Variants in SYNE1 observed in about 807,000 individuals in gnomAD.
SYNE1 encodes nesprin-1.
SYNE1 carries 616 observed loss-of-function variants against 1,111.0 expected under a neutral mutation model. The ratio of observed to expected loss-of-function variants is 0.55; its 90% CI spans 0.52 to 0.59. The LOEUF is 0.59. Among genes scored for constraint, SYNE1 ranks in the 20% least tolerant of loss-of-function variants. The probability of loss-of-function intolerance (pLI) is 0.00; values close to 1 mark genes in which losing one functional copy is unlikely to be tolerated. For missense variants in SYNE1, 10,006 were observed against 10,417.0 expected (o/e 0.96, Z 1.72); for synonymous variants, 3,855 against 3,825.8 (o/e 1.01, Z -0.28).
At chr6:152,399,555 C>G in intron 48 of SYNE1, 61 bp downstream of exon 48, 1 of 1,590,704 alleles carries the variant, frequency 6.3e-7, no homozygotes, top group Non-Finnish European at 8.6e-7. Context: ...TTCTAGGCAG[C>G]ATTTGGTTTG....
At chr6:152,199,209 T>A (rs2074875832) in intron 127 of SYNE1, among the ~76,000 whole-genome samples, 1 of 152,202 alleles carries the variant, frequency 6.6e-6, no homozygotes, top group Admixed American at 6.5e-5. Flanking sequence ...TGAAGTTTAA[T>A]CACTGTATTG....
At chr6:152,633,032 T>C (rs1224868460) in intron 2 of SYNE1, among the ~76,000 whole-genome samples, 1 of 152,188 alleles carries the variant, frequency 6.6e-6, no homozygotes, top group Non-Finnish European at 1.5e-5. Context: ...ACAGACTGTT[T>C]ACCTAGCAGT....
At chr6:152,341,845 G>A (rs1296453163) in intron 74 of SYNE1, among the ~76,000 whole-genome samples, 5 of 152,156 alleles carry the variant, frequency 3.3e-5, no homozygotes, top group Admixed American at 3.3e-4. Flanking sequence ...CATATTGAAG[G>A]ACATGACATT....
Position 152,318,149 on chromosome 6 carries a change from C to T in SYNE1, c.16504G>A (p.Gly5502Arg). 6.2e-7 allele frequency: 1 copy of T among 1,614,176 alleles called. No individual in the cohort carries two copies. Among genetic ancestry groups the T allele is most frequent in the East Asian group, 2.2e-5 (1 of 44,882 alleles). Reference sequence around the variant, plus strand: ...TGCTGGTGAAGTTCAGTCAGTTTTCCTATCTTCTTGGCCAGTGGCTTACCC... The same window carrying T: ...TGCTGGTGAAGTTCAGTCAGTTTTCTTATCTTCTTGGCCAGTGGCTTACCC... ...QLGKPLAKKI[G>R]KLTELHQQTI... The change falls in exon 86 of 146, where the codon GGA (glycine) becomes AGA (arginine). Residue 5502 changes from glycine to arginine, a missense_variant. Coordinates refer to ENST00000367255, the MANE Select transcript of SYNE1 (RefSeq NM_182961.4).
intron 117 of SYNE1, among the ~76,000 whole-genome samples, chr6:152,221,833 T>TG (rs1024358332): frequency 7.9e-5 from 12 of 152,200 alleles, no homozygotes; most frequent in African/African-American, 2.4e-4. Flanking sequence ...AGGGTGCCCT[T>TG]GTCCATTGTC....
Position 152,499,367 on chromosome 6 carries a change from T to TA in SYNE1, c.889-576dup, listed in dbSNP as rs1359271485. Among the ~76,000 whole-genome samples the TA allele has an allele frequency of 2.0e-5, 3 of 152,108 alleles. No individual in the cohort carries two copies. The South Asian group carries it at 6.2e-4, about 32-fold the overall frequency. On this transcript the variant is annotated intron_variant, in intron 10 of 145. Transcript: ENST00000367255. The stretch of plus-strand genomic sequence containing the variant: ...GTTCATCAGTTTTATTGGATGAGAT[T>TA]AAAAAAACCCATGGTGATGTCGATT...
intron 3 of SYNE1, among the ~76,000 whole-genome samples, chr6:152,564,137 G>A (rs1205076896): frequency 6.6e-6 from 1 of 152,164 alleles, no homozygotes; most frequent in African/African-American, 2.4e-5. Flanking sequence ...GTTTACAGAT[G>A]TGTGAGACTC....
chr6:152,385,523 G>T, intron 55 of SYNE1, 151 bp downstream of exon 55: 1 of 809,272 alleles, frequency 1.2e-6, no homozygotes, highest in Non-Finnish European at 2.0e-6. Flanking sequence ...TTCTTCTCAT[G>T]ACTCTTGTTT....
rs1437157869 is a variant in SYNE1 at position 152,368,997 on chromosome 6, T to C, written c.9782A>G (p.Tyr3261Cys). The change falls in exon 61 of 146, where the codon TAT becomes TGT. Residue 3261 changes from tyrosine (Y) to cysteine (C), a missense_variant. By Grantham distance (194) the Tyr-to-Cys change is radical. Around this residue, in one of 7 missense-constraint regions of SYNE1, gnomAD observed 4,955 missense variants for 5,017.2 expected, o/e 0.99. Coordinates refer to ENST00000367255, the MANE Select transcript of SYNE1 (RefSeq NM_182961.4). ...RHRVSQLSSQ[Y>C]LALSNLTKEK... ...CTTTGTTAAATTGCTTAGCGCTAGA[T>C]ACTGAGAAGACAGCTGCGACACTCT... 1 of 1,614,098 alleles carries C rather than the reference T, an allele frequency of 6.2e-7. No homozygotes were observed. Among genetic ancestry groups the C allele is most frequent in the Non-Finnish European group, 8.5e-7 (1 of 1,180,036 alleles).
chr6:152,334,382 G>GA, intron 76 of SYNE1, 109 bp from the exon 77 acceptor site: 1 of 1,170,886 alleles, frequency 8.5e-7, no homozygotes. Flanking sequence ...TCCTTAATAT[G>GA]AAAAAAACTG....
intron 108 of SYNE1, 79 bp from the exon 109 acceptor site, chr6:152,237,027 G>T: frequency 1.3e-6 from 2 of 1,555,344 alleles, no homozygotes; most frequent in South Asian, 1.2e-5. Flanking sequence ...CAAAATACGT[G>T]CCTGACAGTC....
intron 46 of SYNE1, among the ~76,000 whole-genome samples, chr6:152,403,378 T>C (rs1384064425): frequency 6.6e-6 from 1 of 152,168 alleles, no homozygotes; most frequent in African/African-American, 2.4e-5. Flanking sequence ...AACCCAGTTA[T>C]TCAGTAACAG....
chr6:152,420,828 T>C (rs905923997), intron 39 of SYNE1, among the ~76,000 whole-genome samples: 1 of 152,168 alleles, frequency 6.6e-6, no homozygotes, highest in African/African-American at 2.4e-5. Flanking sequence ...GAATTGTCTA[T>C]AGCTTACAAC....
chr6:152,408,996 G>A lies in SYNE1; in HGVS notation c.6540+72C>T, dbSNP rs62426456. The stretch of plus-strand genomic sequence containing the variant: ...AGTGAAATTCACATCCTTGAATAAC[G>A]CTTTGTCCAAAAATTTGATTGGGGA... On this transcript the variant is annotated intron_variant, in intron 44 of 145. Coordinates refer to ENST00000367255, the MANE Select transcript of SYNE1 (RefSeq NM_182961.4). 7.1e-3 allele frequency: 10,223 copies of A among 1,437,898 alleles called. 60 individuals carry two copies. The highest frequency in any genetic ancestry group is 9.0e-3 in the Non-Finnish European group (9,278 of 1,031,444). 89.1% of individuals were successfully genotyped at this position (1,437,898 alleles called of 1,614,324 possible). A position where few individuals can be genotyped will look rare whatever the true frequency, so the allele number is the denominator to read the frequency against.
At chr6:152,351,745 C>A (rs188914207) in intron 70 of SYNE1, among the ~76,000 whole-genome samples, 1 of 152,166 alleles carries the variant, frequency 6.6e-6, no homozygotes, top group East Asian at 1.9e-4. Context: ...ACCTGGCTCA[C>A]GCATCAGAAA....
chr6:152,441,385 C>A, intron 31 of SYNE1, 115 bp from the exon 32 acceptor site: 1 of 1,114,564 alleles, frequency 9.0e-7, no homozygotes. Flanking sequence ...AAATTTCACA[C>A]AGTCACAATG....
At chr6:152,592,011 C>CA (rs2099568329) in intron 3 of SYNE1, among the ~76,000 whole-genome samples, 1 of 151,988 alleles carries the variant, frequency 6.6e-6, no homozygotes, top group Admixed American at 6.6e-5. Flanking sequence ...ATTAAAAACT[C>CA]AAAAACAACA....
intron 107 of SYNE1, among the ~76,000 whole-genome samples, chr6:152,240,804 G>A (rs572246704): frequency 6.6e-6 from 1 of 152,278 alleles, no homozygotes; most frequent in Admixed American, 6.5e-5. Flanking sequence ...AGCTAGTCAC[G>A]GCAGAGCTTG....
intron 25 of SYNE1, 185 bp downstream of exon 25, chr6:152,453,401 A>G: frequency 1.3e-6 from 1 of 794,862 alleles, no homozygotes; most frequent in Non-Finnish European, 2.0e-6. Context: ...ATAAATAGGA[A>G]TAACACAATT....
Sources: gnomAD v4.1 joint callset for allele counts (sites outside exome capture counted in the v4.1 genomes callset) on GRCh38, gnomAD v4.1.1 for gene constraint, gnomAD v4.1.1 regional missense constraint, MANE v1.5 for transcripts, NCBI Gene and HGNC (gene_info 2026-07-23, HGNC 2026-07-21) for gene names.